The following UGT2B7 variants were observed in gnomAD, a reference collection of about 807,000 sequenced individuals.
The protein encoded by UGT2B7 is UDP-glucuronosyltransferase 2B7.
A neutral mutation model predicts 51.9 loss-of-function variants in UGT2B7; 51 were observed. That is an observed-to-expected ratio of 0.98 (90% CI 0.78 to 1.24). The LOEUF (loss-of-function observed/expected upper bound fraction) is 1.24. Ranked by LOEUF, UGT2B7 falls within the 50% of genes most tolerant of loss-of-function variation. The pLI is 0.00. For synonymous variants in UGT2B7, 225 were observed against 211.6 expected, an observed-to-expected ratio of 1.06 and a Z score of -0.55; for missense variants, 727 against 628.4, an observed-to-expected ratio of 1.16 and a Z score of -1.68.
At chr4:69,054,985 G>C (rs1476126108) in intron 1 of UGT2B7, among the ~76,000 whole-genome samples, 8 of 150,092 alleles carry the variant, frequency 5.3e-5, no homozygotes, top group Admixed American at 3.4e-4. Context: ...ATAACACTCA[G>C]TACAAAGTAT....
intron 5 of UGT2B7, among the ~76,000 whole-genome samples, chr4:69,110,209 G>C (rs1336923879): frequency 6.6e-6 from 1 of 151,940 alleles, no homozygotes; most frequent in East Asian, 1.9e-4. Context: ...CATTTTCCTA[G>C]AGCATGTCGA....
chr4:69,110,341 A>G (rs972675968), intron 5 of UGT2B7, among the ~76,000 whole-genome samples: 5 of 152,106 alleles, frequency 3.3e-5, no homozygotes, highest in African/African-American at 2.4e-5. Context: ...TATAAAAACT[A>G]TAACTAACAT....
rs1273849183 is a variant in UGT2B7 at position 69,064,177 on chromosome 4, G to A, written c.-159+12575G>A. Among the ~76,000 whole-genome samples, 9 of 152,132 alleles carry A rather than the reference G, an allele frequency of 5.9e-5. 1 individual carries two copies. The highest frequency in any genetic ancestry group is 3.3e-4 in the Admixed American group (5 of 15,272). On this transcript the variant is annotated intron_variant, in intron 1 of 5. Transcript: ENST00000502942. The stretch of plus-strand genomic sequence containing the variant: ...AAGAGAAATAAGCTTTCCTGTATTA[G>A]GCTAACTTGTCCCAGACGCAGCAAC...
chr4:69,098,738 G>A, intron 2 of UGT2B7, 50 bp downstream of exon 2: 1 of 1,598,440 alleles, frequency 6.3e-7, no homozygotes, highest in Non-Finnish European at 8.5e-7. Context: ...ATTTTCAGTA[G>A]AAATGATTCT....
upstream of UGT2B7, among the ~76,000 whole-genome samples, chr4:69,095,550 G>T (rs1202600968): frequency 6.6e-6 from 1 of 152,166 alleles, no homozygotes; most frequent in Admixed American, 6.5e-5. Flanking sequence ...AGGATTAAGA[G>T]GAACTATAGT....
chr4:69,111,432 T>C (rs1216220177), intron 5 of UGT2B7, among the ~76,000 whole-genome samples: 12 of 152,150 alleles, frequency 7.9e-5, no homozygotes, highest in Admixed American at 7.9e-4. Context: ...GGCACGTCAC[T>C]CACCATGACA....
At chr4:69,070,725 A>G (rs1718582682) in intron 1 of UGT2B7, among the ~76,000 whole-genome samples, 1 of 152,110 alleles carries the variant, frequency 6.6e-6, no homozygotes, top group African/African-American at 2.4e-5. Flanking sequence ...AGACAGGGTA[A>G]TTTTGCAATT....
intron 1 of UGT2B7, among the ~76,000 whole-genome samples, chr4:69,084,681 T>C (rs933950176): frequency 5.9e-5 from 9 of 152,216 alleles, no homozygotes; most frequent in Non-Finnish European, 1.2e-4. Flanking sequence ...TGTGTTCTCA[T>C]TGTTCATCTT....
chr4:69,087,657 G>GA (rs1368181411), intron 1 of UGT2B7, among the ~76,000 whole-genome samples: 3 of 151,886 alleles, frequency 2.0e-5, no homozygotes, highest in Admixed American at 1.3e-4. Flanking sequence ...TTTTGTTTCG[G>GA]AAAATGTTAT....
chr4:69,097,462 G>A (rs1719281077), intron 1 of UGT2B7, among the ~76,000 whole-genome samples: 2 of 151,998 alleles, frequency 1.3e-5, no homozygotes, highest in African/African-American at 4.8e-5. Flanking sequence ...AACACCCCAG[G>A]AAATCATAAA....
At chr4:69,106,600 C>T (rs1719607924) in intron 3 of UGT2B7, among the ~76,000 whole-genome samples, 1 of 152,048 alleles carries the variant, frequency 6.6e-6, no homozygotes. Context: ...CATTTATAGT[C>T]CGTTGGTTAT....
chr4:69,064,795 G>T (rs188397962), intron 1 of UGT2B7, among the ~76,000 whole-genome samples: 1 of 152,028 alleles, frequency 6.6e-6, no homozygotes, highest in African/African-American at 2.4e-5. Context: ...CCTGATTCCT[G>T]CAAAAAGATG....
At chr4:69,101,341 TAAA>T (rs996196341) in intron 2 of UGT2B7, among the ~76,000 whole-genome samples, 1 of 151,958 alleles carries the variant, frequency 6.6e-6, no homozygotes, top group African/African-American at 2.4e-5. Context: ...AAATTTTATT[TAAA>T]AAAATTTTTT....
rs564385580 is a variant in UGT2B7, at chr4:69,111,188, A to G, written c.1311-1269A>G. Among the ~76,000 whole-genome samples the G allele has an allele frequency of 5.9e-5, 9 of 152,266 alleles. No homozygotes were observed. The South Asian group carries it at 1.9e-3, about 32-fold the overall frequency. Reference sequence around the variant, plus strand: ...GTAAAATAGAAGGCCAATCTAGAAGACAGTGTGCAGGGGAAAAGTGTTAGG... The same window carrying G: ...GTAAAATAGAAGGCCAATCTAGAAGGCAGTGTGCAGGGGAAAAGTGTTAGG... On this transcript the variant is annotated intron_variant, in intron 5 of 5. Coordinates refer to ENST00000305231, the MANE Select transcript of UGT2B7 (RefSeq NM_001074.4).
At chr4:69,053,998 G>A (rs1166878528) in intron 1 of UGT2B7, among the ~76,000 whole-genome samples, 1 of 152,136 alleles carries the variant, frequency 6.6e-6, no homozygotes, top group Non-Finnish European at 1.5e-5. Flanking sequence ...TGCAATTAGA[G>A]CCCCGCAAGG....
At chr4:69,104,285 T>C (rs957320103) in intron 3 of UGT2B7, among the ~76,000 whole-genome samples, 2 of 152,078 alleles carry the variant, frequency 1.3e-5, no homozygotes, top group Non-Finnish European at 2.9e-5. Flanking sequence ...TCAAAACAAA[T>C]GTAAACTGTA....
intron 1 of UGT2B7, among the ~76,000 whole-genome samples, chr4:69,082,927 C>T (rs1718870232): frequency 6.6e-6 from 1 of 152,102 alleles, no homozygotes; most frequent in Admixed American, 6.6e-5. Context: ...TCGTTAGTGG[C>T]TAATTCAGCT....
chr4:69,101,068 A>G (rs1442115021), intron 2 of UGT2B7, among the ~76,000 whole-genome samples: 1 of 152,098 alleles, frequency 6.6e-6, no homozygotes, highest in Non-Finnish European at 1.5e-5. Context: ...AAAAACTTAT[A>G]CTATGTGCAT....
At chr4:69,083,422 T>A (rs1391876586) in intron 1 of UGT2B7, among the ~76,000 whole-genome samples, 1 of 152,042 alleles carries the variant, frequency 6.6e-6, no homozygotes, top group East Asian at 1.9e-4. Context: ...ACATTTCTAT[T>A]TGAAATATTT....
Sources: allele counts gnomAD v4.1 joint callset (sites outside exome capture counted in the v4.1 genomes callset), GRCh38; gene constraint gnomAD v4.1.1; transcripts MANE v1.5; gene names NCBI Gene and HGNC (gene_info 2026-07-23, HGNC 2026-07-21).